Variants in CCDC43 observed in about 807,000 individuals in gnomAD.
CCDC43 encodes the protein coiled-coil domain containing 43.
In CCDC43, 20 loss-of-function variants were observed where a neutral mutation model predicts 33.3. The ratio of observed to expected loss-of-function variants is 0.60; its 90% confidence interval spans 0.42 to 0.87. CCDC43 has a LOEUF of 0.87. Among genes scored for constraint, CCDC43 ranks in the 40% least tolerant of loss-of-function variants. CCDC43 has a pLI of 0.00. For synonymous variants in CCDC43, 104 were observed against 106.5 expected, an observed-to-expected ratio of 0.98 and a Z score of 0.14; for missense variants, 248 against 269.9, an observed-to-expected ratio of 0.92 and a Z score of 0.57.
At chr17:44,689,069 T>C (rs1052568029) in intron 1 of CCDC43, 1 of 159,562 alleles carries the variant, frequency 6.3e-6, no homozygotes, top group African/African-American at 2.4e-5. Flanking sequence ...TTACCTTTTA[T>C]GGACTCCTAC....
At chr17:44,686,325 C>G (rs1355961283) in intron 1 of CCDC43, among the ~76,000 whole-genome samples, 1 of 152,192 alleles carries the variant, frequency 6.6e-6, no homozygotes, top group Non-Finnish European at 1.5e-5. Context: ...ACCTTGCATC[C>G]TTTTAGCTAC....
At position 44,677,772 on chromosome 17, in the gene CCDC43, G is replaced by T. The variant is rs1972098801; in HGVS notation, c.*1084C>A. On this transcript the variant is annotated 3_prime_UTR_variant, in exon 5 of 5. Coordinates refer to ENST00000315286, the MANE Select transcript of CCDC43 (RefSeq NM_144609.3). The stretch of plus-strand genomic sequence containing the variant: ...AGACTGGGCCAAATTCGGCCCGTGG[G>T]CAGTAGTTTGCCAACCCCTGGTATA... 6.6e-6 allele frequency: 1 copy of T among 152,152 alleles called. No individual in the cohort carries two copies. Among genetic ancestry groups the T allele is most frequent in the South Asian group, 2.1e-4 (1 of 4,830 alleles). 9.4% of individuals were successfully genotyped at this position (152,152 alleles called of 1,614,324 possible).
intron 4 of CCDC43, among the ~76,000 whole-genome samples, chr17:44,679,592 A>G (rs572562877): frequency 3.9e-5 from 6 of 152,186 alleles, no homozygotes; most frequent in Non-Finnish European, 8.8e-5. Flanking sequence ...CTGAATCTAT[A>G]AGAGATAGAA....
intron 4 of CCDC43, among the ~76,000 whole-genome samples, 192 bp from the exon 5 acceptor site, chr17:44,679,235 T>C (rs1568138627): frequency 6.6e-6 from 1 of 152,264 alleles, no homozygotes; most frequent in South Asian, 2.1e-4. Context: ...TACAAAAGTT[T>C]TAAAATGTCC....
intron 4 of CCDC43, 24 bp from the exon 5 acceptor site, chr17:44,679,067 G>A (rs745456768): frequency 1.3e-5 from 21 of 1,598,668 alleles, no homozygotes; most frequent in Non-Finnish European, 8.5e-7. Context: ...AAGGGATTAG[G>A]GTACAGGTCA....
chr17:44,686,916 A>C (rs1373211110), intron 1 of CCDC43, among the ~76,000 whole-genome samples: 1 of 152,144 alleles, frequency 6.6e-6, no homozygotes, highest in Non-Finnish European at 1.5e-5. Context: ...GTTTACTGTT[A>C]TTTGCTCCTA....
At position 44,683,970 on chromosome 17, in the gene CCDC43, A is replaced by G. The variant is rs1972198273; in HGVS notation, c.205-11T>C. ...GAGGGAATCTTCTTCCTAGTTGGAA[A>G]AGCAGACCAATTAATTTCCTGAGGG... On this transcript the variant is annotated splice_polypyrimidine_tract_variant and intron_variant, in intron 1 of 4. Coordinates refer to ENST00000315286, the MANE Select transcript of CCDC43 (RefSeq NM_144609.3). 6.3e-7 allele frequency: 1 copy of G among 1,576,790 alleles called. No homozygotes were observed. The highest frequency in any genetic ancestry group is 2.2e-5 in the East Asian group (1 of 44,696).
chr17:44,681,793 T>C, intron 3 of CCDC43: 2 of 573,120 alleles, frequency 3.5e-6, no homozygotes, highest in Non-Finnish European at 6.1e-6. Flanking sequence ...TTTTCAGGAA[T>C]ATAATGATTA....
intron 3 of CCDC43, among the ~76,000 whole-genome samples, chr17:44,681,464 T>C (rs1386845816): frequency 1.3e-5 from 2 of 152,018 alleles, no homozygotes; most frequent in Admixed American, 6.6e-5. Context: ...GCTTTGGAGG[T>C]TCAGCCTTAC....
In CCDC43 at chr17:44,682,078, C is replaced by T; in HGVS notation, c.353G>A (p.Arg118Lys). Residue 118 changes from arginine to lysine, a missense_variant, in exon 3 of 5, where the codon AGG becomes AAG. Physicochemically the swap from Arg to Lys is conservative, Grantham distance 26. Transcript: ENST00000315286. The part of the protein sequence containing the change: ...EKQAQIVVKP[R>K]MVSEEEKQRK... ...CTGCTTCTCCTCTTCTGACACCATC[C>T]TTGGCTTTACTACGATTTGTGCCTG... is the stretch of plus-strand genomic sequence containing the variant. The T allele has an allele frequency of 1.9e-6, 3 of 1,613,988 alleles. No individual in the cohort carries two copies. The highest frequency in any genetic ancestry group is 1.7e-6 in the Non-Finnish European group (2 of 1,179,878).
Position 44,677,638 on chromosome 17 carries a change from T to TC in CCDC43, c.*1217dup, listed in dbSNP as rs951532785. On this transcript the variant is annotated 3_prime_UTR_variant, in exon 5 of 5. Transcript: ENST00000315286. ...AAAACAGAGATTGGCAAACCTTTCC[T>TC]CCAACAGGCCAGGTAGTAAATATTT... 6.6e-6 allele frequency: 1 copy of TC among 152,092 alleles called. No homozygotes were observed. Among genetic ancestry groups the TC allele is most frequent in the African/African-American group, 2.4e-5 (1 of 41,412 alleles). The allele number at this position is 152,092 out of a possible 1,614,324, so 9.4% of individuals were successfully genotyped here. A position where few individuals can be genotyped will look rare whatever the true frequency, so the allele number is the denominator to read the frequency against.
Position 44,678,702 on chromosome 17 carries a change from A to T in CCDC43, c.*154T>A. ...ACCCCACCAAAACAGCACATTTTGTAATTAGAAGTGATTTTGATTTTCCTT... is the reference window on the plus strand; with the variant it reads ...ACCCCACCAAAACAGCACATTTTGTTATTAGAAGTGATTTTGATTTTCCTT... On this transcript the variant is annotated 3_prime_UTR_variant, in exon 5 of 5. Transcript: ENST00000315286. 1.3e-6 allele frequency: 1 copy of T among 741,320 alleles called. No individual in the cohort carries two copies. Among genetic ancestry groups the T allele is most frequent in the Non-Finnish European group, 2.2e-6 (1 of 463,424 alleles). The allele number at this position is 741,320 out of a possible 1,614,324, so 45.9% of individuals were successfully genotyped here. A position where few individuals can be genotyped will look rare whatever the true frequency, so the allele number is the denominator to read the frequency against.
intron 1 of CCDC43, chr17:44,688,071 T>C (rs1226819458): frequency 6.6e-6 from 1 of 152,242 alleles, no homozygotes; most frequent in East Asian, 1.9e-4. Context: ...CAAAACACTT[T>C]TGGATTTGAA....
rs1338668553 is a variant in CCDC43, at chr17:44,677,687, T to A, written c.*1169A>T. On this transcript the variant is annotated 3_prime_UTR_variant, in exon 5 of 5. Transcript: ENST00000315286. ...TTTAGATTTCACAGACCACATATTTTTTTCTTTTATAACTCTTTAAAAATG... is the reference window on the plus strand; with the variant it reads ...TTTAGATTTCACAGACCACATATTTATTTCTTTTATAACTCTTTAAAAATG... 6.6e-6 allele frequency: 1 copy of A among 152,198 alleles called. No homozygotes were observed. The highest frequency in any genetic ancestry group is 1.5e-5 in the Non-Finnish European group (1 of 68,042). 9.4% of individuals were successfully genotyped at this position (152,198 alleles called of 1,614,324 possible). A position where few individuals can be genotyped will look rare whatever the true frequency, so the allele number is the denominator to read the frequency against.
At chr17:44,689,488 A>C (rs766283588) in intron 1 of CCDC43, 62 bp downstream of exon 1, 212 of 1,605,752 alleles carry the variant, frequency 1.3e-4, no homozygotes, top group Admixed American at 7.0e-4. Context: ...GGGAGGGTGC[A>C]AAGTACTGAC....
At chr17:44,685,606 G>T (rs1221566338) in intron 1 of CCDC43, among the ~76,000 whole-genome samples, 7 of 152,156 alleles carry the variant, frequency 4.6e-5, no homozygotes, top group African/African-American at 1.7e-4. Flanking sequence ...ACTTGTCAAA[G>T]AACAAGCATC....
At chr17:44,681,879 G>T in intron 3 of CCDC43, 124 bp downstream of exon 3, 1 of 1,154,948 alleles carries the variant, frequency 8.7e-7, no homozygotes. Context: ...ATAGATTACT[G>T]CCATTTTAGA....
chr17:44,686,202 C>T (rs1024658526), intron 1 of CCDC43, among the ~76,000 whole-genome samples: 9 of 152,102 alleles, frequency 5.9e-5, no homozygotes, highest in East Asian at 3.9e-4. Context: ...CGTTAGCCAC[C>T]GCGCCCAGCC....
intron 2 of CCDC43, among the ~76,000 whole-genome samples, chr17:44,683,590 G>A (rs2144692262): frequency 6.6e-6 from 1 of 152,148 alleles, no homozygotes; most frequent in Admixed American, 6.6e-5. Context: ...CTCCATACCT[G>A]CAATGCAAAT....
Sources: gnomAD v4.1 joint callset for allele counts (sites outside exome capture counted in the v4.1 genomes callset) on GRCh38, gnomAD v4.1.1 for gene constraint, MANE v1.5 for transcripts, NCBI Gene and HGNC (gene_info 2026-07-23, HGNC 2026-07-21) for gene names.